PYGO1: variants seen among roughly 807,000 people sequenced by gnomAD.
PYGO1 encodes pygopus homolog 1.
A neutral mutation model predicts 29.5 loss-of-function variants in PYGO1; 6 were observed. That is an observed-to-expected ratio of 0.20 (90% CI 0.11 to 0.40). PYGO1 has a LOEUF of 0.40. PYGO1 is among the 10% of genes least tolerant of loss of function. PYGO1 has a pLI of 1.00. For synonymous variants in PYGO1, 186 were observed against 180.5 expected (o/e 1.03, Z -0.24); for missense variants, 515 against 514.9 (o/e 1.00, Z 0.00).
intron 1 of PYGO1, among the ~76,000 whole-genome samples, chr15:55,576,498 T>C (rs1397319957): frequency 8.1e-6 from 1 of 123,556 alleles, no homozygotes; most frequent in African/African-American, 3.2e-5. Flanking sequence ...AGGCCGGGCA[T>C]GGTGGCTCAT....
At chr15:55,574,648 A>G (rs958139692) in intron 1 of PYGO1, among the ~76,000 whole-genome samples, 11 of 150,920 alleles carry the variant, frequency 7.3e-5, no homozygotes, top group African/African-American at 1.9e-4. Flanking sequence ...TATACTGTAT[A>G]TGTGTGTGTG....
At chr15:55,550,027 A>G (rs1445439669) in intron 1 of PYGO1, among the ~76,000 whole-genome samples, 1 of 152,212 alleles carries the variant, frequency 6.6e-6, no homozygotes, top group African/African-American at 2.4e-5. Context: ...AAAAAATACA[A>G]TGCCATTCTA....
chr15:55,559,538 T>C (rs1385812973), intron 1 of PYGO1, among the ~76,000 whole-genome samples: 1 of 152,216 alleles, frequency 6.6e-6, no homozygotes, highest in East Asian at 1.9e-4. Context: ...CACGTATGTT[T>C]ACTGCAGCAC....
intron 2 of PYGO1, among the ~76,000 whole-genome samples, chr15:55,548,490 G>A (rs1392588596): frequency 2.0e-5 from 3 of 151,422 alleles, no homozygotes; most frequent in Non-Finnish European, 4.4e-5. Context: ...GGTGGATCAC[G>A]AGGTCAAGAG....
rs2058839921 is a variant in PYGO1, at chr15:55,544,237, CA to C, written c.*1785del. ...TTTAAAAAAATAAGTTTTATTCAAT[CA>C]AAATATGCATCAGGAGCATGAATAG... On this transcript the variant is annotated 3_prime_UTR_variant, in exon 3 of 3. Transcript: ENST00000563719. 1 of 152,108 alleles carries C rather than the reference CA, an allele frequency of 6.6e-6. No individual in the cohort carries two copies. Among genetic ancestry groups the C allele is most frequent in the Non-Finnish European group, 1.5e-5 (1 of 68,010 alleles). The allele number at this position is 152,108 out of a possible 1,614,324, so 9.4% of individuals were successfully genotyped here.
chr15:55,550,267 C>T (rs2058873187), intron 1 of PYGO1, among the ~76,000 whole-genome samples: 1 of 152,172 alleles, frequency 6.6e-6, no homozygotes, highest in South Asian at 2.1e-4. Flanking sequence ...CATCTTTTAG[C>T]TCCAACCCCT....
rs1162698920 is a variant in PYGO1 at position 55,541,230 on chromosome 15, C to T, written c.*4793G>A. 6.6e-6 allele frequency: 1 copy of T among 152,206 alleles called. No individual in the cohort carries two copies. 9.4% of individuals were successfully genotyped at this position (152,206 alleles called of 1,614,324 possible). On this transcript the variant is annotated 3_prime_UTR_variant, in exon 3 of 3. Transcript: ENST00000563719. Reference sequence around the variant, plus strand: ...GTCTTGGGAGATGTTAATGCTATCCCTAGCCTCTTTGCTCCAGGGGTGCTT... The same window carrying T: ...GTCTTGGGAGATGTTAATGCTATCCTTAGCCTCTTTGCTCCAGGGGTGCTT...
intron 1 of PYGO1, among the ~76,000 whole-genome samples, chr15:55,562,838 G>A (rs1237081698): frequency 6.6e-6 from 1 of 152,136 alleles, no homozygotes; most frequent in African/African-American, 2.4e-5. Context: ...CCTTGGCAGA[G>A]ACATGGATGG....
chr15:55,576,159 T>C (rs961248836), intron 1 of PYGO1, among the ~76,000 whole-genome samples: 2 of 152,164 alleles, frequency 1.3e-5, no homozygotes, highest in Non-Finnish European at 2.9e-5. Context: ...TAAAGCTTGT[T>C]AATTTAAAAA....
chr15:55,565,584 G>A (rs564475255), intron 1 of PYGO1, among the ~76,000 whole-genome samples: 21 of 151,594 alleles, frequency 1.4e-4, no homozygotes, highest in African/African-American at 4.6e-4. Flanking sequence ...GGCTGGTAGC[G>A]GGCACCTGTA....
At chr15:55,558,841 G>T (rs2058919557) in intron 1 of PYGO1, among the ~76,000 whole-genome samples, 1 of 151,910 alleles carries the variant, frequency 6.6e-6, no homozygotes, top group African/African-American at 2.4e-5. Context: ...ACTCAAGATG[G>T]ATTAAAGACT....
rs2059057614 is a variant in PYGO1, at chr15:55,588,100, A to C, written c.-217T>G. The C allele has an allele frequency of 1.3e-5, 12 of 930,442 alleles. No individual in the cohort carries two copies. The highest frequency in any genetic ancestry group is 1.8e-5 in the African/African-American group (1 of 55,412). 57.6% of individuals were successfully genotyped at this position (930,442 alleles called of 1,614,324 possible). A position where few individuals can be genotyped will look rare whatever the true frequency, so the allele number is the denominator to read the frequency against. On this transcript the variant is annotated 5_prime_UTR_variant, in exon 1 of 3. Coordinates refer to ENST00000563719, the MANE Select transcript of PYGO1 (RefSeq NM_001367806.1). The stretch of plus-strand genomic sequence containing the variant: ...CGGGGCGGCGGGGCGGCGTGCGGGC[A>C]CCGGCGGGGCTCAGCGGCGGTGGCC...
At chr15:55,556,094 T>G (rs2058903678) in intron 1 of PYGO1, among the ~76,000 whole-genome samples, 1 of 151,932 alleles carries the variant, frequency 6.6e-6, no homozygotes, top group Non-Finnish European at 1.5e-5. Context: ...TCAGACAGAT[T>G]ATCGAGACAC....
intron 1 of PYGO1, among the ~76,000 whole-genome samples, chr15:55,587,571 G>C (rs184356240): frequency 2.4e-4 from 36 of 152,080 alleles, no homozygotes; most frequent in African/African-American, 8.7e-4. Flanking sequence ...TGGGTGAGGA[G>C]GGGGTAAGAA....
intron 1 of PYGO1, among the ~76,000 whole-genome samples, chr15:55,579,098 A>G (rs1362280510): frequency 6.6e-6 from 1 of 152,208 alleles, no homozygotes; most frequent in Non-Finnish European, 1.5e-5. Context: ...TGCTCTCCTC[A>G]AGGTCATTTT....
At chr15:55,586,142 G>A (rs1003278884) in intron 1 of PYGO1, among the ~76,000 whole-genome samples, 2 of 152,166 alleles carry the variant, frequency 1.3e-5, no homozygotes, top group Non-Finnish European at 2.9e-5. Context: ...ATGAATGACT[G>A]TGGTCCTTCA....
At chr15:55,567,197 CTTTTTTTTTTT>C (rs71297645) in intron 1 of PYGO1, among the ~76,000 whole-genome samples, 31 of 47,082 alleles carry the variant, frequency 6.6e-4, no homozygotes, top group African/African-American at 1.7e-3. Context: ...TTTTGCCCAC[CTTTTTTTTTTT>C]TTTTTTTTTT....
At position 55,545,980 on chromosome 15, in the gene PYGO1, G is replaced by T; in HGVS notation, c.*43C>A. ...TAAAATCCTGTGTCAATGAACTTCTGCAATGCACAGGAAAATAAACCCACT... is the reference window on the plus strand; with the variant it reads ...TAAAATCCTGTGTCAATGAACTTCTTCAATGCACAGGAAAATAAACCCACT... On this transcript the variant is annotated 3_prime_UTR_variant, in exon 3 of 3. Transcript: ENST00000563719. The T allele has an allele frequency of 6.6e-7, 1 of 1,505,730 alleles. No homozygotes were observed. Among genetic ancestry groups the T allele is most frequent in the African/African-American group, 1.4e-5 (1 of 71,734 alleles). 93.3% of individuals were successfully genotyped at this position (1,505,730 alleles called of 1,614,324 possible).
In PYGO1 at chr15:55,539,149, A is replaced by C. The variant is rs2058818796; in HGVS notation, c.*6874T>G. 6.6e-6 allele frequency: 1 copy of C among 152,226 alleles called. No homozygotes were observed. The highest frequency in any genetic ancestry group is 1.5e-5 in the Non-Finnish European group (1 of 68,028). The allele number at this position is 152,226 out of a possible 1,614,324, so 9.4% of individuals were successfully genotyped here. Reference sequence around the variant, plus strand: ...TTCTTACTTATCTATAGAATAAAAAAACTAAAATGTAGATGACAAATTAAA... The same window carrying C: ...TTCTTACTTATCTATAGAATAAAAACACTAAAATGTAGATGACAAATTAAA... On this transcript the variant is annotated 3_prime_UTR_variant, in exon 3 of 3. Transcript: ENST00000563719.
Sources: allele counts gnomAD v4.1 joint callset (sites outside exome capture counted in the v4.1 genomes callset), GRCh38; gene constraint gnomAD v4.1.1; transcripts MANE v1.5; gene names NCBI Gene and HGNC (gene_info 2026-07-23, HGNC 2026-07-21).